Variants in FBXW2 observed in about 807,000 individuals in gnomAD.
The protein encoded by FBXW2 is F-box and WD repeat domain containing 2.
FBXW2 carries 12 observed loss-of-function variants against 46.0 expected under a neutral mutation model. The observed-to-expected ratio is 0.26, with a 90% CI of 0.17 to 0.42. The LOEUF (loss-of-function observed/expected upper bound fraction) is 0.42, where lower values mean the gene tolerates loss of function less well. Ranked by LOEUF, FBXW2 falls within the 10% of genes least tolerant of loss-of-function variation. FBXW2 has a pLI of 1.00. For synonymous variants in FBXW2, 203 were observed against 209.6 expected (o/e 0.97, Z 0.27); for missense variants, 360 against 537.0 (o/e 0.67, Z 3.26).
At chr9:120,776,422 G>A in intron 4 of FBXW2, 196 bp from the exon 5 acceptor site, 1 of 587,136 alleles carries the variant, frequency 1.7e-6, no homozygotes. Flanking sequence ...ATTCTAAGGT[G>A]GAAAGTCCTA....
At chr9:120,767,144 G>T (rs1012458109) in intron 7 of FBXW2, among the ~76,000 whole-genome samples, 4 of 152,130 alleles carry the variant, frequency 2.6e-5, no homozygotes, top group African/African-American at 9.7e-5. Context: ...AATACGGAAA[G>T]CCTGTCTAAA....
At chr9:120,776,304 T>C in intron 4 of FBXW2, 78 bp from the exon 5 acceptor site, 1 of 1,478,390 alleles carries the variant, frequency 6.8e-7, no homozygotes, top group Admixed American at 2.1e-5. Flanking sequence ...TAATGTTTAT[T>C]TTCCCCAATT....
chr9:120,790,717 C>T (rs771853448), intron 2 of FBXW2, among the ~76,000 whole-genome samples: 1 of 152,124 alleles, frequency 6.6e-6, no homozygotes, highest in Non-Finnish European at 1.5e-5. Flanking sequence ...ATCAGGTTCC[C>T]ATCATTCACA....
intron 5 of FBXW2, among the ~76,000 whole-genome samples, chr9:120,773,269 T>C (rs922589312): frequency 2.6e-5 from 4 of 151,898 alleles, no homozygotes; most frequent in African/African-American, 4.8e-5. Context: ...GACTGATTTT[T>C]TAAAATTATA....
At chr9:120,778,301 T>C in intron 4 of FBXW2, 50 bp downstream of exon 4, 1 of 1,497,278 alleles carries the variant, frequency 6.7e-7, no homozygotes, top group Non-Finnish European at 9.0e-7. Context: ...GGCTCCTGGC[T>C]TAAAAGGATG....
intron 3 of FBXW2, among the ~76,000 whole-genome samples, chr9:120,787,114 C>T (rs936381191): frequency 1.6e-4 from 25 of 152,268 alleles, no homozygotes; most frequent in Non-Finnish European, 2.9e-4. Flanking sequence ...CTGGAACCTC[C>T]GCCTCCCGGG....
chr9:120,768,763 A>C (rs2044319786), intron 7 of FBXW2, among the ~76,000 whole-genome samples: 1 of 151,344 alleles, frequency 6.6e-6, no homozygotes, highest in African/African-American at 2.4e-5. Context: ...CAGAGGTTGC[A>C]GTGAGCCGAG....
At chr9:120,775,790 C>G (rs185288734) in intron 5 of FBXW2, among the ~76,000 whole-genome samples, 1 of 152,202 alleles carries the variant, frequency 6.6e-6, no homozygotes, top group African/African-American at 2.4e-5. Flanking sequence ...CATTTTGATG[C>G]ATGAACACAT....
chr9:120,774,296 C>G lies in FBXW2; in HGVS notation c.820-1456G>C, dbSNP rs369112376. On this transcript the variant is annotated intron_variant, in intron 5 of 7. Transcript: ENST00000608872. ...ATGCTGCAGTGAGCCGAGATCGTGC[C>G]ACTGCACTCCAGCCTGCGCAACAAG... 4.8e-4 allele frequency among the ~76,000 whole-genome samples: 72 copies of G among 149,886 alleles called. 1 individual carries two copies. The highest frequency in any genetic ancestry group is 1.6e-3 in the African/African-American group (65 of 40,532).
In FBXW2 at chr9:120,762,576, T is replaced by C. The variant is rs1418062637; in HGVS notation, c.*1983A>G. On this transcript the variant is annotated 3_prime_UTR_variant, in exon 8 of 8. Transcript: ENST00000608872. Reference sequence around the variant, plus strand: ...AGAGTTTCAACATGGATATTAATGATATCTGTCCTTGAAATTCACCATTAA... The same window carrying C: ...AGAGTTTCAACATGGATATTAATGACATCTGTCCTTGAAATTCACCATTAA... 6.6e-6 allele frequency: 1 copy of C among 152,206 alleles called. No individual in the cohort carries two copies. Among genetic ancestry groups the C allele is most frequent in the Non-Finnish European group, 1.5e-5 (1 of 68,032 alleles). 9.4% of individuals were successfully genotyped at this position (152,206 alleles called of 1,614,324 possible).
Position 120,778,382 on chromosome 9 carries a change from C to T in FBXW2, c.654G>A (p.Arg218=), listed in dbSNP as rs1192143357. 1.2e-6 allele frequency: 2 copies of T among 1,611,802 alleles called. No homozygotes were observed. Among genetic ancestry groups the T allele is most frequent in the East Asian group, 2.2e-5 (1 of 44,858 alleles). The change falls in exon 4 of 8, where the codon AGG becomes AGA. Residue 218 remains arginine (R), a synonymous_variant. Coordinates refer to ENST00000608872, the MANE Select transcript of FBXW2 (RefSeq NM_012164.4). ...VACWEWSSGA[R]TQHFRGHTGA... ...CCGTGTGCCCCCGAAAGTGCTGGGT[C>T]CTGGCTCCGGAACTCCATTCCCAGC...
chr9:120,787,935 C>T lies in FBXW2; in HGVS notation c.324G>A (p.Gln108=). The change falls in exon 3 of 8, where the codon CAG becomes CAA. Residue 108 remains glutamine, a synonymous_variant. Coordinates refer to ENST00000608872, the MANE Select transcript of FBXW2 (RefSeq NM_012164.4). ...AAGCGTCCTGAACAGAATCATCTAT[C>T]TGCCAGCCCAAATTTTTACATGCAG... ...WQTACKNLGW[Q]IDDSVQDALH... 5 of 1,614,252 alleles carry T rather than the reference C, an allele frequency of 3.1e-6. No individual in the cohort carries two copies. The highest frequency in any genetic ancestry group is 4.2e-6 in the Non-Finnish European group (5 of 1,180,048).
At position 120,764,795 on chromosome 9, in the gene FBXW2, T is replaced by C. The variant is rs755295112; in HGVS notation, c.1129A>G (p.Ile377Val). 1.1e-4 allele frequency: 177 copies of C among 1,610,894 alleles called. No individual in the cohort carries two copies. The highest frequency in any genetic ancestry group is 1.5e-4 in the Non-Finnish European group (171 of 1,177,766). ...CGGTTGTCAAACAGCAGGGCAAAGA[T>C]ATCTCCAAAGCCAAGCAAGGCCAAG... ...ANLALLGFGD[I>V]FALLFDNRYL... is the part of the protein sequence containing the mutation. Residue 377 changes from isoleucine (I) to valine (V), a missense_variant, in exon 8 of 8, where the codon ATC becomes GTC. Transcript: ENST00000608872.
chr9:120,788,426 C>T, intron 2 of FBXW2, 148 bp from the exon 3 acceptor site: 1 of 682,732 alleles, frequency 1.5e-6, no homozygotes, highest in South Asian at 1.9e-5. Flanking sequence ...GTTAATACAC[C>T]ATATTTATCT....
In FBXW2 at chr9:120,793,395, G is replaced by C; in HGVS notation, c.-171C>G. 2.5e-6 allele frequency: 1 copy of C among 400,088 alleles called. No individual in the cohort carries two copies. Among genetic ancestry groups the C allele is most frequent in the Admixed American group, 4.4e-5 (1 of 22,758 alleles). The allele number at this position is 400,088 out of a possible 1,614,324, so 24.8% of individuals were successfully genotyped here. On this transcript the variant is annotated 5_prime_UTR_variant, in exon 1 of 8. Transcript: ENST00000608872. ...TGCTCCCGGTCCGCAGCCTCACAGG[G>C]GAGCGGCTTCCGGTGCTGCCTGCGT...
In FBXW2 at chr9:120,787,751, A is replaced by G. The variant is rs1413596705; in HGVS notation, c.490+18T>C. On this transcript the variant is annotated intron_variant, in intron 3 of 7. Transcript: ENST00000608872. ...AAATACAAAACAAAACCCAAAAAGC[A>G]GTTTCAACATCTCTTACCTGTACAG... 2 of 1,585,010 alleles carry G rather than the reference A, an allele frequency of 1.3e-6. No individual in the cohort carries two copies. The highest frequency in any genetic ancestry group is 1.7e-6 in the Non-Finnish European group (2 of 1,169,224).
chr9:120,776,146 A>C lies in FBXW2; in HGVS notation c.766T>G (p.Ser256Ala). 1 of 1,614,176 alleles carries C rather than the reference A, an allele frequency of 6.2e-7. No individual in the cohort carries two copies. Among genetic ancestry groups the C allele is most frequent in the Non-Finnish European group, 8.5e-7 (1 of 1,180,028 alleles). Residue 256 changes from serine (S) to alanine (A), a missense_variant, in exon 5 of 8, where the codon TCT becomes GCT. Coordinates refer to ENST00000608872, the MANE Select transcript of FBXW2 (RefSeq NM_012164.4). ...ADFTVKVWAL[S>A]AGTCLNTLTG... ...AGTGTGTTCAGGCATGTCCCAGCAG[A>C]TAAAGCCCATACTTTCACAGTGAAG...
Position 120,763,571 on chromosome 9 carries a change from A to G in FBXW2, c.*988T>C, listed in dbSNP as rs1010310585. On this transcript the variant is annotated 3_prime_UTR_variant, in exon 8 of 8. Coordinates refer to ENST00000608872, the MANE Select transcript of FBXW2 (RefSeq NM_012164.4). ...TTTCCCTTTTATTCATCCTTTTCAT[A>G]TAATTGATGTTCTTATAGAAAACTC... The G allele has an allele frequency of 1.3e-5, 2 of 152,234 alleles. No individual in the cohort carries two copies. The highest frequency in any genetic ancestry group is 4.8e-5 in the African/African-American group (2 of 41,460). 9.4% of individuals were successfully genotyped at this position (152,234 alleles called of 1,614,324 possible).
At chr9:120,785,528 G>A (rs1309612878) in intron 3 of FBXW2, among the ~76,000 whole-genome samples, 1 of 152,194 alleles carries the variant, frequency 6.6e-6, no homozygotes, top group Admixed American at 6.5e-5. Flanking sequence ...CCAGCAGAGT[G>A]TCTAGCATTT....
Sources: allele counts gnomAD v4.1 joint callset (sites outside exome capture counted in the v4.1 genomes callset), GRCh38; gene constraint gnomAD v4.1.1; transcripts MANE v1.5; gene names NCBI Gene and HGNC (gene_info 2026-07-23, HGNC 2026-07-21).